Variants in LSR observed in about 807,000 individuals in gnomAD.
LSR encodes the protein lipolysis-stimulated lipoprotein receptor.
In LSR, 44 loss-of-function variants were observed where a neutral mutation model predicts 61.8. The ratio of observed to expected loss-of-function variants is 0.71; its 90% CI spans 0.56 to 0.91. The LOEUF (loss-of-function observed/expected upper bound fraction) is 0.91, where lower values mean the gene tolerates loss of function less well. LSR is among the 40% of genes least tolerant of loss of function. The pLI, the probability that LSR is intolerant of heterozygous loss-of-function variation, is 0.00. For missense variants in LSR, 911 were observed against 830.5 expected (o/e 1.10, Z -1.19); for synonymous variants, 397 against 350.6 (o/e 1.13, Z -1.48).
chr19:35,250,361 G>T lies in LSR; in HGVS notation c.156G>T (p.Val52=). ...TGACCGTGTCCAACCCCTACCACGT[G>T]GTGATCCTCTTCCAGCCTGTGACCC... is the stretch of plus-strand genomic sequence containing the variant. ...IQVTVSNPYH[V]VILFQPVTLP... The change falls in exon 2 of 10, where the codon GTG becomes GTT. Residue 52 remains valine, a synonymous_variant. Coordinates refer to ENST00000605618, the MANE Select transcript of LSR (RefSeq NM_205834.4). 1 of 1,586,500 alleles carries T rather than the reference G, an allele frequency of 6.3e-7. No homozygotes were observed. The highest frequency in any genetic ancestry group is 8.6e-7 in the Non-Finnish European group (1 of 1,161,282).
intron 3 of LSR, among the ~76,000 whole-genome samples, chr19:35,259,749 C>T (rs915809016): frequency 3.3e-5 from 5 of 152,216 alleles, no homozygotes; most frequent in East Asian, 1.9e-4. Flanking sequence ...TCATCTCACC[C>T]GAGTCCCTCG....
At position 35,267,462 on chromosome 19, in the gene LSR, GACC is replaced by G. The variant is rs370023714; in HGVS notation, c.1499_1501del (p.Asp500_Pro501delinsAla). On this transcript the variant is annotated inframe_deletion, in exon 9 of 10. Coordinates refer to ENST00000605618, the MANE Select transcript of LSR (RefSeq NM_205834.4). ...CTCGAGGGACTTCCCACGCTCCCGGGACCCCCACTACGACGACTTCAGGTCTCG... is the reference window on the plus strand; with the variant it reads ...CTCGAGGGACTTCCCACGCTCCCGGGCCCACTACGACGACTTCAGGTCTCG... 2 of 1,610,688 alleles carry G rather than the reference GACC, an allele frequency of 1.2e-6. No homozygotes were observed. The highest frequency in any genetic ancestry group is 2.7e-5 in the African/African-American group (2 of 74,886).
At chr19:35,250,778 C>A in intron 2 of LSR, 119 bp downstream of exon 2, 1 of 671,162 alleles carries the variant, frequency 1.5e-6, no homozygotes, top group Non-Finnish European at 2.4e-6. Flanking sequence ...CTGAAAGGAC[C>A]ATTGAAGGGA....
At chr19:35,265,633 T>TAGGGAGGAAGGA (rs56708857) in intron 5 of LSR, among the ~76,000 whole-genome samples, 19,670 of 151,948 alleles carry the variant, frequency 0.13, 1,432 homozygotes, top group South Asian at 0.21. Context: ...CCTCTTGCCC[T>TAGGGAGGAAGGA]AGGGAGGAAG....
rs373408430 is a variant in LSR at position 35,266,826 on chromosome 19, C to G, written c.1013-10C>G. The G allele has an allele frequency of 6.2e-6, 10 of 1,607,108 alleles. No homozygotes were observed. Among genetic ancestry groups the G allele is most frequent in the South Asian group, 2.2e-5 (2 of 90,044 alleles). On this transcript the variant is annotated splice_polypyrimidine_tract_variant and intron_variant, in intron 7 of 9. Coordinates refer to ENST00000605618, the MANE Select transcript of LSR (RefSeq NM_205834.4). Reference sequence around the variant, plus strand: ...TCCTCCCAAACCGACCACCACCCCCCTGTCCCTAGAAGTCCGCAGTGGCTA... The same window carrying G: ...TCCTCCCAAACCGACCACCACCCCCGTGTCCCTAGAAGTCCGCAGTGGCTA...
chr19:35,267,673 C>T lies in LSR; in HGVS notation c.1709C>T (p.Pro570Leu), dbSNP rs1184086870. 1 of 1,605,018 alleles carries T rather than the reference C, an allele frequency of 6.2e-7. No homozygotes were observed. Among genetic ancestry groups the T allele is most frequent in the Non-Finnish European group, 8.5e-7 (1 of 1,176,368 alleles). Residue 570 changes from proline (P) to leucine (L), a missense_variant, in exon 9 of 10, where the codon CCC becomes CTC. Pro to Leu is a moderately conservative substitution (Grantham distance 98). Transcript: ENST00000605618. ...GAGGAGGAAGAGGCCTACTACCCGC[C>T]CGCGCCGCCCCCGTACTCGGAGACC... ...KEEEEEAYYP[P>L]APPPYSETDS... is the part of the protein sequence containing the mutation.
intron 1 of LSR, 171 bp downstream of exon 1, chr19:35,249,302 A>G (rs1249852389): frequency 2.6e-6 from 2 of 781,362 alleles, no homozygotes; most frequent in Admixed American, 3.7e-5. Context: ...GGAATTCCCC[A>G]TTTGTGCCGG....
intron 3 of LSR, among the ~76,000 whole-genome samples, chr19:35,261,437 C>A (rs1430941001): frequency 6.6e-6 from 1 of 152,198 alleles, no homozygotes; most frequent in Non-Finnish European, 1.5e-5. Context: ...TAGCTACTTA[C>A]CCCAGAGGCT....
At chr19:35,263,831 C>T (rs1192918699) in intron 5 of LSR, among the ~76,000 whole-genome samples, 2 of 149,556 alleles carry the variant, frequency 1.3e-5, no homozygotes, top group Admixed American at 1.3e-4. Flanking sequence ...TTTTTGGAGA[C>T]AGTTTCACTC....
At chr19:35,265,196 T>C (rs2065981333) in intron 5 of LSR, among the ~76,000 whole-genome samples, 1 of 152,138 alleles carries the variant, frequency 6.6e-6, no homozygotes, top group Non-Finnish European at 1.5e-5. Flanking sequence ...AGTGAGTAAG[T>C]GTTAGGTCCA....
chr19:35,251,892 T>C (rs2065797765), intron 2 of LSR, among the ~76,000 whole-genome samples: 1 of 139,276 alleles, frequency 7.2e-6, no homozygotes, highest in Non-Finnish European at 1.6e-5. Context: ...TGGAGTGCAG[T>C]GGCGGGATCT....
chr19:35,258,960 T>C lies in LSR; in HGVS notation c.470T>C (p.Phe157Ser). ...CCCGACTCAGATGCTGACCTGACCT[T>C]TGACCAGACGGCGTGGGGGGACAGT... is the stretch of plus-strand genomic sequence containing the variant. ...ITITGNADLT[F>S]DQTAWGDSGV... The change falls in exon 3 of 10, where the codon TTT becomes TCT. Residue 157 changes from phenylalanine (F) to serine (S), a missense_variant. Transcript: ENST00000605618. 6.2e-7 allele frequency: 1 copy of C among 1,613,974 alleles called. No homozygotes were observed. The highest frequency in any genetic ancestry group is 8.5e-7 in the Non-Finnish European group (1 of 1,179,974).
At chr19:35,252,158 C>G (rs1464313221) in intron 2 of LSR, among the ~76,000 whole-genome samples, 1 of 152,030 alleles carries the variant, frequency 6.6e-6, no homozygotes, top group Non-Finnish European at 1.5e-5. Flanking sequence ...GTAATGCTGC[C>G]TCCTGATAGG....
chr19:35,267,616 G>A lies in LSR; in HGVS notation c.1652G>A (p.Gly551Glu), dbSNP rs752500945. 25 of 1,612,284 alleles carry A rather than the reference G, an allele frequency of 1.6e-5. No homozygotes were observed. Among genetic ancestry groups the A allele is most frequent in the Admixed American group, 6.7e-5 (4 of 59,906 alleles). ...CTGGAGGAGGCTGTGAGGAAGAAGG[G>A]GTCGGAGGAGAGGAGGAGACCCCAC... The part of the protein sequence containing the change: ...RLLEEAVRKK[G>E]SEERRRPHKE... The change falls in exon 9 of 10, where the codon GGG (glycine) becomes GAG (glutamate). Residue 551 changes from glycine (G) to glutamate (E), a missense_variant. Transcript: ENST00000605618.
intron 2 of LSR, among the ~76,000 whole-genome samples, chr19:35,257,872 G>A (rs1300514276): frequency 5.3e-5 from 8 of 152,156 alleles, no homozygotes; most frequent in Admixed American, 2.0e-4. Flanking sequence ...GCCTGCAGCT[G>A]CTTCAGACAA....
At position 35,249,401 on chromosome 19, in the gene LSR, CT is replaced by C. The variant is rs1241146656; in HGVS notation, c.109+273del. ...CCGGAGCGGCAGGGAGAATGGAACTCTTTGTGGGGAGGGAGTGGAAGACCGC... is the reference window on the plus strand; with the variant it reads ...CCGGAGCGGCAGGGAGAATGGAACTCTTGTGGGGAGGGAGTGGAAGACCGC... On this transcript the variant is annotated intron_variant, in intron 1 of 9. Coordinates refer to ENST00000605618, the MANE Select transcript of LSR (RefSeq NM_205834.4). The C allele has an allele frequency of 1.5e-5, 7 of 475,254 alleles. No homozygotes were observed. The East Asian group carries it at 1.9e-4, about 13-fold the overall frequency. The allele number at this position is 475,254 out of a possible 1,614,324, so 29.4% of individuals were successfully genotyped here. A position where few individuals can be genotyped will look rare whatever the true frequency, so the allele number is the denominator to read the frequency against.
rs1230617480 is a variant in LSR at position 35,258,952 on chromosome 19, C to A, written c.462C>A (p.Asp154Glu). The A allele has an allele frequency of 1.3e-5, 21 of 1,613,948 alleles. No individual in the cohort carries two copies. Among genetic ancestry groups the A allele is most frequent in the Non-Finnish European group, 1.7e-5 (20 of 1,179,970 alleles). Reference sequence around the variant, plus strand: ...CTTTTCATCCCGACTCAGATGCTGACCTGACCTTTGACCAGACGGCGTGGG... The same window carrying A: ...CTTTTCATCCCGACTCAGATGCTGAACTGACCTTTGACCAGACGGCGTGGG... Reference protein sequence around the residue: ...GRRITITGNADLTFDQTAWGD... With the variant: ...GRRITITGNAELTFDQTAWGD... The change falls in exon 3 of 10, where the codon GAC becomes GAA. Residue 154 changes from aspartate to glutamate, a missense_variant. Transcript: ENST00000605618.
intron 2 of LSR, among the ~76,000 whole-genome samples, chr19:35,254,427 GATA>G (rs1350530844): frequency 1.3e-5 from 2 of 152,140 alleles, no homozygotes; most frequent in African/African-American, 4.8e-5. Flanking sequence ...AATAGTCCTG[GATA>G]AGGTAGAAGG....
rs753639491 is a variant in LSR at position 35,262,659 on chromosome 19, T to C, written c.745T>C (p.Cys249Arg). 95 of 1,614,004 alleles carry C rather than the reference T, an allele frequency of 5.9e-5. No homozygotes were observed. The highest frequency in any genetic ancestry group is 7.5e-5 in the Non-Finnish European group (89 of 1,180,022). Residue 249 changes from cysteine to arginine, a missense_variant, in exon 5 of 10, where the codon TGC (cysteine) becomes CGC (arginine). Physicochemically the swap from Cys to Arg is radical, Grantham distance 180. Coordinates refer to ENST00000605618, the MANE Select transcript of LSR (RefSeq NM_205834.4). ...TTGCTGCTGCTACGTCAGGTGCCCC[T>C]GCTGCCCAGACAAGTGCTGCTGCCC... Reference protein sequence around the residue: ...HTCCCYVRCPCCPDKCCCPEA... With the variant: ...HTCCCYVRCPRCPDKCCCPEA...
Sources: gnomAD v4.1 joint callset for allele counts (sites outside exome capture counted in the v4.1 genomes callset) on GRCh38, gnomAD v4.1.1 for gene constraint, MANE v1.5 for transcripts, NCBI Gene and HGNC (gene_info 2026-07-23, HGNC 2026-07-21) for gene names.